NAALADL2: variants seen among roughly 807,000 people sequenced by gnomAD.
The protein encoded by NAALADL2 is inactive N-acetylated-alpha-linked acidic dipeptidase-like protein 2.
In NAALADL2, 76 loss-of-function variants were observed where a neutral mutation model predicts 87.2. That is an observed-to-expected ratio of 0.87 (90% CI 0.72 to 1.05). The LOEUF (loss-of-function observed/expected upper bound fraction) is 1.05. NAALADL2 is among the 50% of genes least tolerant of loss of function. NAALADL2 has a pLI of 0.00. For missense variants in NAALADL2, 1,089 were observed against 945.8 expected, an observed-to-expected ratio of 1.15 and a Z score of -1.99; for synonymous variants, 354 against 331.0, an observed-to-expected ratio of 1.07 and a Z score of -0.75.
At chr3:175,500,178 C>T (rs1013787528) in intron 9 of NAALADL2, among the ~76,000 whole-genome samples, 3 of 151,934 alleles carry the variant, frequency 2.0e-5, no homozygotes, top group Non-Finnish European at 2.9e-5. Context: ...TAAGATAATG[C>T]GCATACATAC....
In NAALADL2 at chr3:174,769,983, A is replaced by T. The variant is rs1253262245; in HGVS notation, c.-9+32237A>T. Among the ~76,000 whole-genome samples, 5 of 137,422 alleles carry T rather than the reference A, an allele frequency of 3.6e-5. No homozygotes were observed. In the Admixed American group the frequency reaches 3.7e-4, roughly 10 times the overall value. The allele number at this position is 137,422 out of a possible 152,430, so 90.2% of individuals were successfully genotyped here. On this transcript the variant is annotated intron_variant, in intron 3 of 3. Coordinates refer to the NAALADL2 transcript ENST00000434257. Reference sequence around the variant, plus strand: ...TGCTTTTTCACAAATAATACAATATATAATATTAGATGCCCATCTTTAGAA... The same window carrying T: ...TGCTTTTTCACAAATAATACAATATTTAATATTAGATGCCCATCTTTAGAA...
At position 175,512,079 on chromosome 3, in the gene NAALADL2, T is replaced by C. The variant is rs908690440; in HGVS notation, c.1653+40321T>C. ...CAACATAGTGTGACCCCCATCTCTA[T>C]GAAAAAAATTGAAAATTAACTTGGC... On this transcript the variant is annotated intron_variant, in intron 9 of 13. Coordinates refer to ENST00000454872, the MANE Select transcript of NAALADL2 (RefSeq NM_207015.3). Among the ~76,000 whole-genome samples the C allele has an allele frequency of 3.0e-4, 46 of 152,000 alleles. 1 individual carries two copies. The highest frequency in any genetic ancestry group is 7.4e-5 in the Non-Finnish European group (5 of 68,004).
intron 1 of NAALADL2, among the ~76,000 whole-genome samples, chr3:175,080,689 A>G (rs575298361): frequency 1.3e-5 from 2 of 152,340 alleles, no homozygotes; most frequent in African/African-American, 2.4e-5. Context: ...ATCTGTGTGG[A>G]AAGAACAAAT....
chr3:175,386,078 G>A (rs1157886424), intron 5 of NAALADL2, among the ~76,000 whole-genome samples: 1 of 152,028 alleles, frequency 6.6e-6, no homozygotes, highest in Non-Finnish European at 1.5e-5. Flanking sequence ...TGGTTGATGG[G>A]ATTATCTGGG....
intron 2 of NAALADL2, among the ~76,000 whole-genome samples, chr3:175,182,925 A>G (rs77437455): frequency 0.03 from 4,545 of 152,002 alleles, 99 homozygotes; most frequent in Non-Finnish European, 0.05. Context: ...ATGATGTGAG[A>G]TTCTTTTTAG....
intron 1 of NAALADL2, among the ~76,000 whole-genome samples, chr3:175,000,740 A>T (rs768417975): frequency 6.6e-6 from 1 of 152,244 alleles, no homozygotes; most frequent in Non-Finnish European, 1.5e-5. Context: ...AGAACTGTGC[A>T]TCAATATTAA....
chr3:175,368,219 G>A (rs1442969619), intron 5 of NAALADL2, among the ~76,000 whole-genome samples: 2 of 152,120 alleles, frequency 1.3e-5, no homozygotes, highest in African/African-American at 4.8e-5. Flanking sequence ...CTTGATCATG[G>A]TGGATAAGCT....
At chr3:174,610,231 T>A (rs1295267741) in intron 2 of NAALADL2, among the ~76,000 whole-genome samples, 3 of 151,702 alleles carry the variant, frequency 2.0e-5, no homozygotes, top group South Asian at 2.1e-4. Context: ...AACCTAGGCA[T>A]TACCATTCAG....
chr3:174,847,691 A>T (rs1276591185), intron 3 of NAALADL2, among the ~76,000 whole-genome samples: 1 of 152,126 alleles, frequency 6.6e-6, no homozygotes, highest in Non-Finnish European at 1.5e-5. Flanking sequence ...GCACCATTTT[A>T]TGGATGATGA....
intron 13 of NAALADL2, chr3:175,773,514 G>A (rs1749784962): frequency 2.0e-5 from 3 of 152,010 alleles, no homozygotes; most frequent in Admixed American, 2.0e-4. Context: ...GCTATTTAAG[G>A]TTATTTTAAT....
At chr3:175,731,039 T>C (rs1003650883) in intron 11 of NAALADL2, among the ~76,000 whole-genome samples, 9 of 152,180 alleles carry the variant, frequency 5.9e-5, no homozygotes, top group Non-Finnish European at 1.2e-4. Flanking sequence ...AACACAGTAG[T>C]AGAGTGGAAA....
intron 9 of NAALADL2, among the ~76,000 whole-genome samples, chr3:175,533,666 C>T (rs1197384608): frequency 1.3e-5 from 2 of 152,214 alleles, no homozygotes; most frequent in Non-Finnish European, 2.9e-5. Flanking sequence ...CCAATCAATG[C>T]CCTCACTTTA....
chr3:175,393,280 CAAAAAAAAAAAAAA>C (rs775778803), intron 5 of NAALADL2, among the ~76,000 whole-genome samples: 5 of 29,520 alleles, frequency 1.7e-4, no homozygotes, highest in East Asian at 1.0e-3. Context: ...GACTCCGTCT[CAAAAAAAAAAAAAA>C]AAAAAAAAAA....
chr3:174,460,981 A>G (rs762207714), intron 1 of NAALADL2, among the ~76,000 whole-genome samples: 1 of 152,046 alleles, frequency 6.6e-6, no homozygotes, highest in African/African-American at 2.4e-5. Context: ...TACTACTAGT[A>G]TGACAGCTTC....
chr3:175,802,874 C>A (rs991775455), intron 13 of NAALADL2, 131 bp from the exon 14 acceptor site: 8 of 606,000 alleles, frequency 1.3e-5, no homozygotes, highest in South Asian at 8.8e-5. Context: ...GTTGAAAAAT[C>A]GTGATATTAT....
chr3:175,479,684 T>G (rs920380639), intron 9 of NAALADL2, among the ~76,000 whole-genome samples: 2 of 151,804 alleles, frequency 1.3e-5, no homozygotes, highest in African/African-American at 4.8e-5. Context: ...CACTGATTAC[T>G]CCTTCCCTTT....
intron 2 of NAALADL2, among the ~76,000 whole-genome samples, chr3:174,586,607 G>C (rs566479812): frequency 6.6e-6 from 1 of 152,240 alleles, no homozygotes; most frequent in Admixed American, 6.5e-5. Flanking sequence ...ACATCCTCCC[G>C]CATCAGCCTC....
At chr3:175,219,608 C>G (rs1416673026) in intron 2 of NAALADL2, among the ~76,000 whole-genome samples, 1 of 152,038 alleles carries the variant, frequency 6.6e-6, no homozygotes, top group Non-Finnish European at 1.5e-5. Context: ...AAGATGTTCT[C>G]CTTTGTTATC....
chr3:174,665,480 A>G (rs575968480), intron 2 of NAALADL2, among the ~76,000 whole-genome samples: 1 of 152,284 alleles, frequency 6.6e-6, no homozygotes, highest in Non-Finnish European at 1.5e-5. Flanking sequence ...TCTGGTCATT[A>G]CATGTTATTG....
Sources: gnomAD v4.1 joint callset for allele counts (sites outside exome capture counted in the v4.1 genomes callset) on GRCh38, gnomAD v4.1.1 for gene constraint, MANE v1.5 for transcripts, NCBI Gene and HGNC (gene_info 2026-07-23, HGNC 2026-07-21) for gene names.